HRH2: variants seen among roughly 807,000 people sequenced by gnomAD.
HRH2 encodes histamine H2 receptor.
A neutral mutation model predicts 20.1 loss-of-function variants in HRH2; 4 were observed. The observed-to-expected ratio is 0.20, with a 90% confidence interval of 0.10 to 0.45. The LOEUF (loss-of-function observed/expected upper bound fraction) is 0.45, where lower values mean the gene tolerates loss of function less well. Among genes scored for constraint, HRH2 ranks in the 20% least tolerant of loss-of-function variants. HRH2 has a pLI of 0.99. For synonymous variants in HRH2, 197 were observed against 200.7 expected (o/e 0.98, Z 0.16); for missense variants, 250 against 461.6 (o/e 0.54, Z 4.20).
intron 1 of HRH2, among the ~76,000 whole-genome samples, chr5:175,671,053 A>G (rs1198920958): frequency 2.0e-5 from 3 of 152,250 alleles, no homozygotes; most frequent in African/African-American, 7.2e-5. Context: ...CAGGATGCCA[A>G]GAATGTATAA....
chr5:175,695,141 G>A (rs1756528641), intron 2 of HRH2, among the ~76,000 whole-genome samples: 1 of 151,958 alleles, frequency 6.6e-6, no homozygotes, highest in South Asian at 2.1e-4. Flanking sequence ...CACCTGACAG[G>A]CATCTCATGC....
At chr5:175,698,099 TA>T (rs1756665288) in intron 2 of HRH2, among the ~76,000 whole-genome samples, 1 of 152,268 alleles carries the variant, frequency 6.6e-6, no homozygotes, top group Admixed American at 6.5e-5. Flanking sequence ...CCCCTGTGTG[TA>T]GTTTACACCT....
At chr5:175,664,032 G>T (rs901657527) in intron 1 of HRH2, among the ~76,000 whole-genome samples, 2 of 152,216 alleles carry the variant, frequency 1.3e-5, no homozygotes, top group Admixed American at 6.5e-5. Context: ...AAGTGTGGCT[G>T]GAGCCAAGTT....
In HRH2 at chr5:175,686,549, T is replaced by C. The variant is rs1408050422; in HGVS notation, c.1076+2240T>C. 6.6e-6 allele frequency among the ~76,000 whole-genome samples: 1 copy of C among 152,168 alleles called. No individual in the cohort carries two copies. Among genetic ancestry groups the C allele is most frequent in the African/African-American group, 2.4e-5 (1 of 41,436 alleles). On this transcript the variant is annotated intron_variant, in intron 2 of 2. Transcript: ENST00000636584. This position sits in a 1 kb window ranked among gnomAD's most constrained non-coding sequence, Gnocchi z 4.7. ...CTGTGCCACCCTCGGCCACCTGCAA[T>C]TGCTCATGGTCTAGTTAAGAAGCTG... is the stretch of plus-strand genomic sequence containing the variant.
chr5:175,676,906 A>G (rs1384978755), intron 1 of HRH2, among the ~76,000 whole-genome samples: 1 of 152,248 alleles, frequency 6.6e-6, no homozygotes, highest in Non-Finnish European at 1.5e-5. Flanking sequence ...GCAAAAGACA[A>G]GATTTCATTC....
intron 2 of HRH2, chr5:175,685,297 G>C (rs1168297794): frequency 1.0e-6 from 1 of 980,892 alleles, no homozygotes; most frequent in Non-Finnish European, 1.5e-6. Flanking sequence ...AGGAGAGACA[G>C]CTTACTGGTC....
Position 175,683,008 on chromosome 5 carries a change from C to A in HRH2, c.-226C>A. ...CTCTCTTCTTCATTCATATTCATTC[C>A]CAACACCTTAGAAGGTGTTGCTTAA... On this transcript the variant is annotated 5_prime_UTR_variant, in exon 2 of 3. Coordinates refer to ENST00000636584, the MANE Select transcript of HRH2 (RefSeq NM_001367711.1). 1 of 544,354 alleles carries A rather than the reference C, an allele frequency of 1.8e-6. No individual in the cohort carries two copies. Among genetic ancestry groups the A allele is most frequent in the Non-Finnish European group, 3.2e-6 (1 of 312,400 alleles). The allele number at this position is 544,354 out of a possible 1,614,324, so 33.7% of individuals were successfully genotyped here. A position where few individuals can be genotyped will look rare whatever the true frequency, so the allele number is the denominator to read the frequency against.
rs943525006 is a variant in HRH2, at chr5:175,705,378, G to A, written c.1077-2401G>A. On this transcript the variant is annotated intron_variant, in intron 2 of 2. Transcript: ENST00000636584. ...TACACCGGGGGACAGGTCCAGTGAA[G>A]TCCTAAGCAGCATTTCTTGTAATGG... is the stretch of plus-strand genomic sequence containing the variant. Among the ~76,000 whole-genome samples the A allele has an allele frequency of 3.9e-5, 6 of 152,186 alleles. No individual in the cohort carries two copies. The South Asian group carries it at 6.2e-4, about 16-fold the overall frequency.
chr5:175,665,785 T>G (rs1011118596), intron 1 of HRH2, among the ~76,000 whole-genome samples: 1 of 151,904 alleles, frequency 6.6e-6, no homozygotes, highest in Non-Finnish European at 1.5e-5. Context: ...CAAGAGTGGT[T>G]AGAAAAGGAA....
intron 1 of HRH2, among the ~76,000 whole-genome samples, chr5:175,671,114 T>G (rs1755521616): frequency 6.6e-6 from 1 of 152,120 alleles, no homozygotes; most frequent in South Asian, 2.1e-4. Flanking sequence ...GGGCAGTGCT[T>G]TGGGGAACTG....
chr5:175,690,754 A>G (rs374977330), intron 2 of HRH2, among the ~76,000 whole-genome samples: 1 of 151,338 alleles, frequency 6.6e-6, no homozygotes. Context: ...TGACCCCCAC[A>G]CTCCCTGCGT....
intron 2 of HRH2, among the ~76,000 whole-genome samples, chr5:175,695,264 C>G (rs1332546935): frequency 1.3e-5 from 2 of 152,064 alleles, no homozygotes; most frequent in African/African-American, 4.8e-5. Flanking sequence ...AGCTGGCTGA[C>G]CTTGGGCACG....
At chr5:175,698,014 C>T (rs1241669144) in intron 2 of HRH2, among the ~76,000 whole-genome samples, 1 of 152,254 alleles carries the variant, frequency 6.6e-6, no homozygotes, top group Non-Finnish European at 1.5e-5. Context: ...CATGCCCACC[C>T]ACACTCACAG....
Position 175,683,034 on chromosome 5 carries a change from T to C in HRH2, c.-200T>C. On this transcript the variant is annotated 5_prime_UTR_variant, in exon 2 of 3. Transcript: ENST00000636584. ...CAACACCTTAGAAGGTGTTGCTTAA[T>C]TTATTTCTAGAAAAGCAGCCCAGAG... The C allele has an allele frequency of 1.6e-6, 1 of 640,146 alleles. No homozygotes were observed. The highest frequency in any genetic ancestry group is 2.8e-5 in the Admixed American group (1 of 36,102). 39.7% of individuals were successfully genotyped at this position (640,146 alleles called of 1,614,324 possible). A position where few individuals can be genotyped will look rare whatever the true frequency, so the allele number is the denominator to read the frequency against.
intron 1 of HRH2, among the ~76,000 whole-genome samples, chr5:175,663,013 A>G (rs1262831664): frequency 6.6e-6 from 1 of 152,224 alleles, no homozygotes; most frequent in African/African-American, 2.4e-5. Flanking sequence ...ATGCCTTGTT[A>G]TGGCTAAATA....
At chr5:175,658,439 C>T (rs1157595716) in intron 1 of HRH2, among the ~76,000 whole-genome samples, 1 of 152,218 alleles carries the variant, frequency 6.6e-6, no homozygotes, top group Non-Finnish European at 1.5e-5. Flanking sequence ...GATGCAGCCC[C>T]GGTGCACAGC....
At position 175,693,278 on chromosome 5, in the gene HRH2, G is replaced by T. The variant is rs939576273; in HGVS notation, c.1076+8969G>T. On this transcript the variant is annotated intron_variant, in intron 2 of 2. Coordinates refer to ENST00000636584, the MANE Select transcript of HRH2 (RefSeq NM_001367711.1). This position sits in a 1 kb window ranked among gnomAD's most constrained non-coding sequence, Gnocchi z 4.4. Reference sequence around the variant, plus strand: ...GAAGGGGGTGTGCCTGCATTGCAGGGTGTGCACAGCCCTTGAGGCTCTCCT... The same window carrying T: ...GAAGGGGGTGTGCCTGCATTGCAGGTTGTGCACAGCCCTTGAGGCTCTCCT... Among the ~76,000 whole-genome samples the T allele has an allele frequency of 6.6e-6, 1 of 152,120 alleles. No individual in the cohort carries two copies. Among genetic ancestry groups the T allele is most frequent in the Non-Finnish European group, 1.5e-5 (1 of 68,020 alleles).
chr5:175,684,389 T>G (rs1561731439), intron 2 of HRH2, 80 bp downstream of exon 2: 2 of 1,537,372 alleles, frequency 1.3e-6, no homozygotes, highest in East Asian at 4.5e-5. Context: ...AGGGAGCTGC[T>G]GTTTAGGTGG....
rs60466733 is a variant in HRH2 at position 175,697,462 on chromosome 5, C to CAA, written c.1077-10300_1077-10299dup. ...TGGGCGAAAGAGTGAGACTCCGTCT[C>CAA]AAAAAAAAAAAAAAAAAAGAGGATG... On this transcript the variant is annotated intron_variant, in intron 2 of 2. Transcript: ENST00000636584. Among the ~76,000 whole-genome samples the CAA allele has an allele frequency of 5.5e-3, 453 of 82,548 alleles. 3 individuals carry two copies. The highest frequency in any genetic ancestry group is 0.015 in the African/African-American group (429 of 28,382). 54.2% of individuals were successfully genotyped at this position (82,548 alleles called of 152,430 possible). A position where few individuals can be genotyped will look rare whatever the true frequency, so the allele number is the denominator to read the frequency against.
Sources: gnomAD v4.1 joint callset for allele counts (sites outside exome capture counted in the v4.1 genomes callset) on GRCh38, gnomAD v4.1.1 for gene constraint, Gnocchi (gnomAD v3.1) non-coding constraint, MANE v1.5 for transcripts, NCBI Gene and HGNC (gene_info 2026-07-23, HGNC 2026-07-21) for gene names.